Variants in CRYL1 observed in about 807,000 individuals in gnomAD.
CRYL1 encodes the protein crystallin lambda 1.
CRYL1 carries 29 observed loss-of-function variants against 36.6 expected under a neutral mutation model. The observed-to-expected ratio is 0.79, with a 90% confidence interval of 0.59 to 1.08. CRYL1 has a LOEUF of 1.08. CRYL1 is among the 50% of genes least tolerant of loss of function. CRYL1 has a pLI of 0.00. For missense variants in CRYL1, 411 were observed against 407.9 expected (o/e 1.01, Z -0.06); for synonymous variants, 152 against 151.5 (o/e 1.00, Z -0.02).
chr13:20,432,625 C>T (rs1021939989), intron 4 of CRYL1, among the ~76,000 whole-genome samples: 1 of 152,160 alleles, frequency 6.6e-6, no homozygotes, highest in African/African-American at 2.4e-5. Context: ...TCCCATCTGT[C>T]TTGTCTTCAA....
At position 20,405,580 on chromosome 13, in the gene CRYL1, G is replaced by T. The variant is rs143678565; in HGVS notation, c.740-839C>A. The stretch of plus-strand genomic sequence containing the variant: ...CAAGGCTGCAGGTACTTGAAACACC[G>T]GTTGGAGAGCTCACGTTGGCTTGTA... On this transcript the variant is annotated intron_variant, in intron 6 of 7. Coordinates refer to ENST00000298248, the MANE Select transcript of CRYL1 (RefSeq NM_015974.3). Among the ~76,000 whole-genome samples the T allele has an allele frequency of 1.1e-4, 16 of 152,328 alleles. No homozygotes were observed. In the East Asian group the frequency reaches 3.1e-3, roughly 29 times the overall value.
chr13:20,413,418 GTTT>G, intron 5 of CRYL1, 31 bp from the exon 6 acceptor site: 1 of 1,433,600 alleles, frequency 7.0e-7, no homozygotes, highest in Non-Finnish European at 9.7e-7. Context: ...GCATAGATGA[GTTT>G]TGTAAAAAGA....
Position 20,404,085 on chromosome 13 carries a change from A to G in CRYL1, c.*44T>C, listed in dbSNP as rs758999397. ...GATTAAGGGCTTGCAGTGTTCCCAA[A>G]TAGGGCCTCCAATGAGAGGAGTGGA... On this transcript the variant is annotated 3_prime_UTR_variant, in exon 8 of 8. Transcript: ENST00000298248. The G allele has an allele frequency of 2.3e-5, 31 of 1,368,148 alleles. No individual in the cohort carries two copies. Among genetic ancestry groups the G allele is most frequent in the Non-Finnish European group, 3.1e-5 (30 of 956,696 alleles). The allele number at this position is 1,368,148 out of a possible 1,614,324, so 84.8% of individuals were successfully genotyped here.
In CRYL1 at chr13:20,404,738, A is replaced by G. The variant is rs770796343; in HGVS notation, c.743T>C (p.Met248Thr). 76 of 1,598,140 alleles carry G rather than the reference A, an allele frequency of 4.8e-5. No individual in the cohort carries two copies. The highest frequency in any genetic ancestry group is 1.5e-4 in the Admixed American group (9 of 59,536). Residue 248 changes from methionine (M) to threonine (T), a missense_variant, in exon 7 of 8, where the codon ATG becomes ACG. Physicochemically the swap from Met to Thr is moderately conservative, Grantham distance 81. Coordinates refer to ENST00000298248, the MANE Select transcript of CRYL1 (RefSeq NM_015974.3). ...LETMHLNAEG[M>T]LSYCDRYSEG... The stretch of plus-strand genomic sequence containing the variant: ...GCTGTATCTGTCGCAGTAGCTTAAC[A>G]TACCTGGAATTGTATGAAGACAAGA...
intron 3 of CRYL1, among the ~76,000 whole-genome samples, chr13:20,482,610 C>T (rs1388231363): frequency 4.6e-5 from 7 of 152,246 alleles, no homozygotes; most frequent in East Asian, 3.9e-4. Context: ...CCAGGCTCCC[C>T]GCCCTCTAGG....
intron 2 of CRYL1, among the ~76,000 whole-genome samples, chr13:20,495,298 G>A (rs114242495): frequency 0.013 from 1,928 of 152,264 alleles, 54 homozygotes; most frequent in African/African-American, 0.044. Flanking sequence ...AGGCTGCAAT[G>A]TGCCAGTTCT....
chr13:20,484,380 C>T (rs1179730780), intron 3 of CRYL1, among the ~76,000 whole-genome samples: 2 of 152,144 alleles, frequency 1.3e-5, no homozygotes, highest in Admixed American at 6.5e-5. Context: ...AATTCTTAGA[C>T]GGAAGCTTCT....
chr13:20,410,345 A>G (rs981032737), intron 6 of CRYL1, among the ~76,000 whole-genome samples: 3 of 144,946 alleles, frequency 2.1e-5, no homozygotes, highest in Non-Finnish European at 4.5e-5. Context: ...AGAACACATG[A>G]ACACAGGAAG....
Position 20,525,417 on chromosome 13 carries a change from C to G in CRYL1, c.41+337G>C, listed in dbSNP as rs1480639415. Among the ~76,000 whole-genome samples the G allele has an allele frequency of 2.0e-5, 3 of 152,238 alleles. No individual in the cohort carries two copies. The highest frequency in any genetic ancestry group is 4.4e-5 in the Non-Finnish European group (3 of 68,042). On this transcript the variant is annotated intron_variant, in intron 1 of 7. Transcript: ENST00000298248. This position sits in a 1 kb window ranked among gnomAD's most constrained non-coding sequence, Gnocchi z 4.3. ...TCATTCAACACGGTGCCTGGCACTT[C>G]TATGTGGACCTGCGGGCAGACGCGG...
At chr13:20,519,142 A>G (rs531307316) in intron 1 of CRYL1, among the ~76,000 whole-genome samples, 17 of 152,186 alleles carry the variant, frequency 1.1e-4, no homozygotes, top group African/African-American at 4.1e-4. Context: ...AAGAAAGTGA[A>G]TATCGATAAA....
At chr13:20,445,239 T>C (rs561538506) in intron 3 of CRYL1, among the ~76,000 whole-genome samples, 100 of 152,312 alleles carry the variant, frequency 6.6e-4, no homozygotes, top group African/African-American at 2.3e-3. Flanking sequence ...GGCACCACTT[T>C]TACCTATGAG....
chr13:20,455,395 T>C (rs11839462), intron 3 of CRYL1, among the ~76,000 whole-genome samples: 1,089 of 29,556 alleles, frequency 0.037, no homozygotes, highest in South Asian at 0.061. Flanking sequence ...AAAACTCAAG[T>C]TATACCATAA....
At chr13:20,504,470 A>AT (rs888956215) in intron 2 of CRYL1, among the ~76,000 whole-genome samples, 26 of 151,374 alleles carry the variant, frequency 1.7e-4, no homozygotes, top group Non-Finnish European at 7.4e-5. Context: ...CGCCCAGCTG[A>AT]TTTTTTTGTA....
At chr13:20,467,144 TCAC>T (rs1252065362) in intron 3 of CRYL1, among the ~76,000 whole-genome samples, 8 of 151,444 alleles carry the variant, frequency 5.3e-5, no homozygotes, top group Non-Finnish European at 1.0e-4. Context: ...AGATGGGGTT[TCAC>T]CGTGTTAGCC....
intron 2 of CRYL1, among the ~76,000 whole-genome samples, chr13:20,507,775 G>A (rs1049938982): frequency 3.3e-5 from 5 of 152,028 alleles, no homozygotes; most frequent in East Asian, 1.9e-4. Flanking sequence ...AAAATTAGCT[G>A]GGCGTGGTGG....
intron 1 of CRYL1, among the ~76,000 whole-genome samples, chr13:20,518,551 A>C (rs1301382424): frequency 1.3e-5 from 2 of 152,162 alleles, no homozygotes; most frequent in Non-Finnish European, 2.9e-5. Flanking sequence ...CCTCAGAAGC[A>C]ATGGAGGGAT....
At chr13:20,406,264 C>T (rs2031375640) in intron 6 of CRYL1, 1 of 151,888 alleles carries the variant, frequency 6.6e-6, no homozygotes, top group South Asian at 2.1e-4. Context: ...GCTCAAAAAG[C>T]AAAAAATAAA....
intron 3 of CRYL1, among the ~76,000 whole-genome samples, chr13:20,461,917 G>A (rs988390054): frequency 1.3e-5 from 2 of 149,628 alleles, no homozygotes; most frequent in African/African-American, 2.5e-5. Context: ...AGGAGAGGGT[G>A]GGAGGAGGAC....
intron 3 of CRYL1, among the ~76,000 whole-genome samples, chr13:20,449,335 G>C (rs1198392956): frequency 6.6e-6 from 1 of 152,040 alleles, no homozygotes; most frequent in African/African-American, 2.4e-5. Context: ...ATTAGAAGGT[G>C]GCCTCTGATT....
Sources: gnomAD v4.1 joint callset for allele counts (sites outside exome capture counted in the v4.1 genomes callset) on GRCh38, gnomAD v4.1.1 for gene constraint, Gnocchi (gnomAD v3.1) non-coding constraint, MANE v1.5 for transcripts, NCBI Gene and HGNC (gene_info 2026-07-23, HGNC 2026-07-21) for gene names.